PLCXD3: variants seen among roughly 807,000 people sequenced by gnomAD.
PLCXD3 encodes PI-PLC X domain-containing protein 3.
A neutral mutation model predicts 25.5 loss-of-function variants in PLCXD3; 19 were observed. That is an observed-to-expected ratio of 0.75 (90% confidence interval 0.52 to 1.09). The LOEUF (loss-of-function observed/expected upper bound fraction) is 1.09. Ranked by LOEUF, PLCXD3 falls within the 50% of genes least tolerant of loss-of-function variation. The probability of loss-of-function intolerance (pLI) is 0.00; values close to 1 mark genes in which losing one functional copy is unlikely to be tolerated. For synonymous variants in PLCXD3, 174 were observed against 137.6 expected (o/e 1.26, Z -1.85); for missense variants, 411 against 388.1 (o/e 1.06, Z -0.50).
chr5:41,329,337 C>T (rs1472523001), intron 2 of PLCXD3, among the ~76,000 whole-genome samples: 2 of 152,192 alleles, frequency 1.3e-5, no homozygotes, highest in African/African-American at 2.4e-5. Context: ...CCCAACTAGA[C>T]TGTAAGCTCT....
At chr5:41,371,704 C>T (rs1373324227) in intron 2 of PLCXD3, among the ~76,000 whole-genome samples, 2 of 152,098 alleles carry the variant, frequency 1.3e-5, no homozygotes, top group Non-Finnish European at 2.9e-5. Flanking sequence ...CATGTTTGTG[C>T]CTGGGGATCT....
rs1745488377 is a variant in PLCXD3, at chr5:41,382,290, C to G, written c.348G>C (p.Leu116Phe). 6.2e-7 allele frequency: 1 copy of G among 1,613,530 alleles called. No homozygotes were observed. The highest frequency in any genetic ancestry group is 1.7e-5 in the Admixed American group (1 of 59,926). Reference protein sequence around the residue: ...PDNELYFAHGLFSAKVNEGLE... With the variant: ...PDNELYFAHGFFSAKVNEGLE... ...GGCCTTCATTGACTTTGGCACTGAA[C>G]AAACCATGAGCAAAATAGAGTTCAT... The change falls in exon 2 of 3, where the codon TTG becomes TTC. Residue 116 changes from leucine (L) to phenylalanine (F), a missense_variant. Physicochemically the swap from Leu to Phe is conservative, Grantham distance 22 (BLOSUM62 0). Coordinates refer to ENST00000377801, the MANE Select transcript of PLCXD3 (RefSeq NM_001005473.3).
chr5:41,481,124 A>AAAG (rs1554052823), intron 1 of PLCXD3, among the ~76,000 whole-genome samples: 2 of 150,824 alleles, frequency 1.3e-5, no homozygotes, highest in African/African-American at 4.9e-5. Context: ...AAAAAAAAAA[A>AAAG]AAAGAAAGGA....
chr5:41,323,095 A>T (rs559869829), intron 2 of PLCXD3, among the ~76,000 whole-genome samples: 1 of 152,336 alleles, frequency 6.6e-6, no homozygotes, highest in South Asian at 2.1e-4. Flanking sequence ...GGAGATCATT[A>T]TGTTAAGTGA....
At chr5:41,361,118 G>A (rs906097479) in intron 2 of PLCXD3, among the ~76,000 whole-genome samples, 6 of 147,754 alleles carry the variant, frequency 4.1e-5, no homozygotes, top group Non-Finnish European at 7.5e-5. Context: ...TCAGGCCAAT[G>A]AGGTTATGTT....
intron 1 of PLCXD3, among the ~76,000 whole-genome samples, chr5:41,463,113 G>A (rs1747932174): frequency 1.3e-5 from 2 of 152,054 alleles, no homozygotes; most frequent in Non-Finnish European, 2.9e-5. Flanking sequence ...TTTGAGTAAA[G>A]TGACTGTATC....
chr5:41,358,745 A>G (rs959845805), intron 2 of PLCXD3, among the ~76,000 whole-genome samples: 3 of 152,048 alleles, frequency 2.0e-5, no homozygotes, highest in South Asian at 2.1e-4. Flanking sequence ...TAGGACTTTC[A>G]GTACTACGCT....
At position 41,308,086 on chromosome 5, in the gene PLCXD3, A is replaced by G. The variant is rs1743044876; in HGVS notation, c.*5531T>C. 6.6e-6 allele frequency: 1 copy of G among 152,136 alleles called. No individual in the cohort carries two copies. The highest frequency in any genetic ancestry group is 2.4e-5 in the African/African-American group (1 of 41,436). The allele number at this position is 152,136 out of a possible 1,614,324, so 9.4% of individuals were successfully genotyped here. ...GCATTTGCAGGACCTAGAGCTGACCAATGTTTTCTTTCTTGAAGGACATTA... is the reference window on the plus strand; with the variant it reads ...GCATTTGCAGGACCTAGAGCTGACCGATGTTTTCTTTCTTGAAGGACATTA... On this transcript the variant is annotated 3_prime_UTR_variant, in exon 3 of 3. Transcript: ENST00000377801.
intron 2 of PLCXD3, among the ~76,000 whole-genome samples, chr5:41,317,266 G>A (rs764237446): frequency 2.6e-5 from 4 of 152,212 alleles, no homozygotes; most frequent in Non-Finnish European, 4.4e-5. Context: ...CCATCAAGGT[G>A]GTACCTCTAC....
At chr5:41,360,276 T>C (rs1481617588) in intron 2 of PLCXD3, among the ~76,000 whole-genome samples, 1 of 152,186 alleles carries the variant, frequency 6.6e-6, no homozygotes, top group Non-Finnish European at 1.5e-5. Context: ...CAAAAATTTT[T>C]TGATTTAAGT....
At chr5:41,446,176 CAAAAAAAAAAA>C (rs70988847) in intron 1 of PLCXD3, among the ~76,000 whole-genome samples, 6 of 38,110 alleles carry the variant, frequency 1.6e-4, no homozygotes, top group African/African-American at 3.9e-4. Context: ...GACTCCTTCT[CAAAAAAAAAAA>C]AAAAAAAAAA....
chr5:41,369,103 T>C (rs1292093936), intron 2 of PLCXD3, among the ~76,000 whole-genome samples: 2 of 152,188 alleles, frequency 1.3e-5, no homozygotes, highest in African/African-American at 4.8e-5. Context: ...GGGTGTGGAA[T>C]TCTCCTTATG....
chr5:41,324,221 A>G (rs1034623797), intron 2 of PLCXD3, among the ~76,000 whole-genome samples: 2 of 152,144 alleles, frequency 1.3e-5, no homozygotes, highest in African/African-American at 4.8e-5. Flanking sequence ...GAAAAGAAGG[A>G]AGCCATGCTC....
At chr5:41,339,484 A>T (rs537258083) in intron 2 of PLCXD3, among the ~76,000 whole-genome samples, 1 of 152,042 alleles carries the variant, frequency 6.6e-6, no homozygotes, top group Non-Finnish European at 1.5e-5. Flanking sequence ...TCACTGACGT[A>T]TGTGAATAGT....
intron 2 of PLCXD3, among the ~76,000 whole-genome samples, chr5:41,322,444 T>G (rs1466676687): frequency 2.6e-5 from 4 of 152,178 alleles, no homozygotes. Flanking sequence ...AGGGAACCCT[T>G]GTATACTGTT....
Position 41,503,887 on chromosome 5 carries a change from C to A in PLCXD3, c.103+6537G>T, listed in dbSNP as rs114297600. On this transcript the variant is annotated intron_variant, in intron 1 of 2. Transcript: ENST00000377801. Reference sequence around the variant, plus strand: ...GTTTCCAAAAACTAATATTTTTGGGCAAGAGGCATCCTCACTGGTGGTAAT... The same window carrying A: ...GTTTCCAAAAACTAATATTTTTGGGAAAGAGGCATCCTCACTGGTGGTAAT... 4.8e-3 allele frequency among the ~76,000 whole-genome samples: 737 copies of A among 152,174 alleles called. 3 individuals are homozygous for A. Among genetic ancestry groups the A allele is most frequent in the African/African-American group, 0.016 (658 of 41,530 alleles).
chr5:41,317,559 A>G (rs1217567157), intron 2 of PLCXD3, among the ~76,000 whole-genome samples: 1 of 151,872 alleles, frequency 6.6e-6, no homozygotes, highest in Non-Finnish European at 1.5e-5. Context: ...GAGATATGTG[A>G]CCTTTCAGAC....
At chr5:41,480,151 T>A (rs1329101154) in intron 1 of PLCXD3, among the ~76,000 whole-genome samples, 1 of 152,144 alleles carries the variant, frequency 6.6e-6, no homozygotes, top group African/African-American at 2.4e-5. Flanking sequence ...GGAATAAAAA[T>A]GATTTTTGCC....
At chr5:41,500,132 G>A (rs773653332) in intron 1 of PLCXD3, among the ~76,000 whole-genome samples, 8 of 151,730 alleles carry the variant, frequency 5.3e-5, no homozygotes, top group South Asian at 4.1e-4. Context: ...GTTTATCTCC[G>A]CACTATTCAT....
Sources: gnomAD v4.1 joint callset for allele counts (sites outside exome capture counted in the v4.1 genomes callset) on GRCh38, gnomAD v4.1.1 for gene constraint, MANE v1.5 for transcripts, NCBI Gene and HGNC (gene_info 2026-07-23, HGNC 2026-07-21) for gene names.